COL23A1: variants seen among roughly 807,000 people sequenced by gnomAD.
COL23A1 encodes collagen type XXIII alpha 1 chain.
Under a neutral mutation model 99.3 loss-of-function variants are expected in COL23A1, and 97 were observed. The observed-to-expected ratio is 0.98, with a 90% CI of 0.83 to 1.16. COL23A1 has a LOEUF of 1.16. COL23A1 is among the 50% of genes most tolerant of loss of function. The pLI is 0.00. For missense variants in COL23A1, 762 were observed against 757.4 expected (o/e 1.01, Z -0.07); for synonymous variants, 320 against 308.2 (o/e 1.04, Z -0.40).
chr5:178,430,028 G>A (rs1175489464), intron 2 of COL23A1, among the ~76,000 whole-genome samples: 1 of 152,194 alleles, frequency 6.6e-6, no homozygotes, highest in African/African-American at 2.4e-5. Context: ...TCCCCAGGAA[G>A]TATGTTCAGC....
Position 178,432,145 on chromosome 5 carries a change from A to G in COL23A1, c.362-125226T>C, listed in dbSNP as rs186185342. Reference sequence around the variant, plus strand: ...TTTAGGACTCTGGCTACAATGAATCATTGCAGCATTCTTCAAGGTAACTTA... The same window carrying G: ...TTTAGGACTCTGGCTACAATGAATCGTTGCAGCATTCTTCAAGGTAACTTA... On this transcript the variant is annotated intron_variant, in intron 2 of 28. Coordinates refer to ENST00000390654, the MANE Select transcript of COL23A1 (RefSeq NM_173465.4). Among the ~76,000 whole-genome samples, 20 of 152,342 alleles carry G rather than the reference A, an allele frequency of 1.3e-4. No individual in the cohort carries two copies. The East Asian group carries it at 3.1e-3, about 23-fold the overall frequency.
chr5:178,446,136 G>C (rs191580846), intron 2 of COL23A1, among the ~76,000 whole-genome samples: 1 of 152,012 alleles, frequency 6.6e-6, no homozygotes, highest in Admixed American at 6.5e-5. Flanking sequence ...CAGTACAGGG[G>C]CGTTCTTAAA....
At position 178,259,591 on chromosome 5, in the gene COL23A1, C is replaced by T. The variant is rs556381555; in HGVS notation, c.729+130G>A. On this transcript the variant is annotated intron_variant, in intron 12 of 28. Coordinates refer to ENST00000390654, the MANE Select transcript of COL23A1 (RefSeq NM_173465.4). The stretch of plus-strand genomic sequence containing the variant: ...GGCTCAGGGCTGGTGGAGAGAAGGC[C>T]GCCTTCCCTGTGGGTTGGCTCCCAG... 1.1e-4 allele frequency: 95 copies of T among 883,112 alleles called. No homozygotes were observed. The African/African-American group carries it at 1.1e-3, about 11-fold the overall frequency. The allele number at this position is 883,112 out of a possible 1,614,324, so 54.7% of individuals were successfully genotyped here.
intron 2 of COL23A1, among the ~76,000 whole-genome samples, chr5:178,537,835 C>T (rs972793750): frequency 6.6e-6 from 1 of 152,186 alleles, no homozygotes; most frequent in South Asian, 2.1e-4. Context: ...GGCTCAGTGG[C>T]GGTAAGTACA....
intron 4 of COL23A1, 92 bp from the exon 5 acceptor site, chr5:178,288,442 G>T: frequency 1.8e-6 from 2 of 1,086,662 alleles, no homozygotes; most frequent in Non-Finnish European, 2.9e-6. Flanking sequence ...ACCCACACCC[G>T]CCCCCCGACA....
intron 2 of COL23A1, among the ~76,000 whole-genome samples, chr5:178,467,717 C>A (rs1331847840): frequency 6.6e-6 from 1 of 152,142 alleles, no homozygotes; most frequent in South Asian, 2.1e-4. Context: ...TGATTTAATT[C>A]TTTTTAATTG....
intron 2 of COL23A1, among the ~76,000 whole-genome samples, chr5:178,327,592 C>T (rs930896564): frequency 6.6e-6 from 1 of 152,144 alleles, no homozygotes; most frequent in Admixed American, 6.5e-5. Flanking sequence ...GTTGCCAGGT[C>T]CACTCTGCGG....
chr5:178,419,444 A>G (rs186489966), intron 2 of COL23A1, among the ~76,000 whole-genome samples: 26 of 152,350 alleles, frequency 1.7e-4, no homozygotes, highest in Non-Finnish European at 2.6e-4. Flanking sequence ...TGTGCCAGGC[A>G]CTGGGCTCGG....
intron 2 of COL23A1, among the ~76,000 whole-genome samples, chr5:178,477,153 T>G (rs1206941793): frequency 2.6e-5 from 4 of 152,160 alleles, no homozygotes; most frequent in Non-Finnish European, 5.9e-5. Flanking sequence ...GGCTGAGAGA[T>G]AGCGGCTGTT....
chr5:178,425,421 CAAAATAAA>C (rs755372704), intron 2 of COL23A1, among the ~76,000 whole-genome samples: 2,183 of 122,826 alleles, frequency 0.018, 18 homozygotes, highest in Non-Finnish European at 0.028. Flanking sequence ...GACTCCATCT[CAAAATAAA>C]TAAATAAATA....
rs1762398181 is a variant in COL23A1, at chr5:178,365,142, T to TGTGC, written c.362-58224_362-58223insGCAC. Among the ~76,000 whole-genome samples, 2 of 139,020 alleles carry TGTGC rather than the reference T, an allele frequency of 1.4e-5. No homozygotes were observed. The highest frequency in any genetic ancestry group is 2.1e-4 in the South Asian group (1 of 4,668). 91.2% of individuals were successfully genotyped at this position (139,020 alleles called of 152,430 possible). A position where few individuals can be genotyped will look rare whatever the true frequency, so the allele number is the denominator to read the frequency against. ...TATGATGTTGCTGTGTGTGCGTGTG[T>TGTGC]GTGTGTGTGTGTGTGTGTGTGTGTG... On this transcript the variant is annotated intron_variant, in intron 2 of 28. Transcript: ENST00000390654. This position sits in a 1 kb window ranked among gnomAD's most constrained non-coding sequence, Gnocchi z 5.2.
At chr5:178,543,232 C>T (rs1287235529) in intron 2 of COL23A1, among the ~76,000 whole-genome samples, 9 of 152,138 alleles carry the variant, frequency 5.9e-5, no homozygotes, top group East Asian at 3.9e-4. Flanking sequence ...CTCAGCCTCC[C>T]GGGTAGCTGG....
intron 2 of COL23A1, among the ~76,000 whole-genome samples, chr5:178,358,214 T>C (rs1285354411): frequency 2.8e-5 from 3 of 108,240 alleles, no homozygotes; most frequent in African/African-American, 1.1e-4. Context: ...TACGTGTGTA[T>C]GTGTGTCTAA....
At chr5:178,524,947 G>A (rs1010927497) in intron 2 of COL23A1, among the ~76,000 whole-genome samples, 2 of 152,250 alleles carry the variant, frequency 1.3e-5, no homozygotes, top group Admixed American at 6.5e-5. Flanking sequence ...CCTAAACTGC[G>A]TAACTCTTTA....
intron 2 of COL23A1, among the ~76,000 whole-genome samples, chr5:178,326,031 C>T (rs1255646128): frequency 6.6e-6 from 1 of 152,152 alleles, no homozygotes; most frequent in African/African-American, 2.4e-5. Context: ...TTAACCACTC[C>T]CCAGGGAGCA....
At chr5:178,358,252 GTGTA>G (rs1561896836) in intron 2 of COL23A1, among the ~76,000 whole-genome samples, 1 of 146,482 alleles carries the variant, frequency 6.8e-6, no homozygotes, top group Non-Finnish European at 1.5e-5. Flanking sequence ...GTGTATGTGT[GTGTA>G]TGTATATGTG....
chr5:178,240,527 C>T (rs376934837), intron 27 of COL23A1, among the ~76,000 whole-genome samples: 85 of 152,300 alleles, frequency 5.6e-4, no homozygotes, highest in African/African-American at 1.9e-3. Flanking sequence ...GGCCTCCGCA[C>T]GTGGGATTCT....
At chr5:178,399,226 G>GC (rs1364011683) in intron 2 of COL23A1, among the ~76,000 whole-genome samples, 1 of 152,246 alleles carries the variant, frequency 6.6e-6, no homozygotes, top group Non-Finnish European at 1.5e-5. Context: ...GCCTTCTGCT[G>GC]CCCCTCCCTC....
At chr5:178,552,799 T>C (rs979109724) in intron 2 of COL23A1, among the ~76,000 whole-genome samples, 4 of 151,216 alleles carry the variant, frequency 2.6e-5, no homozygotes, top group Non-Finnish European at 5.9e-5. Flanking sequence ...CTGCAACCTC[T>C]ACCTCCCGGG....
Sources: gnomAD v4.1 joint callset for allele counts (sites outside exome capture counted in the v4.1 genomes callset) on GRCh38, gnomAD v4.1.1 for gene constraint, Gnocchi (gnomAD v3.1) non-coding constraint, MANE v1.5 for transcripts, NCBI Gene and HGNC (gene_info 2026-07-23, HGNC 2026-07-21) for gene names.